Variants in MYO18B observed in about 807,000 individuals in gnomAD.
MYO18B encodes the protein unconventional myosin-XVIIIb.
A neutral mutation model predicts 273.0 loss-of-function variants in MYO18B; 204 were observed. The observed-to-expected ratio is 0.75, with a 90% CI of 0.67 to 0.84. The LOEUF (loss-of-function observed/expected upper bound fraction) is 0.84, where lower values mean the gene tolerates loss of function less well. Ranked by LOEUF, MYO18B falls within the 40% of genes least tolerant of loss-of-function variation. MYO18B has a pLI of 0.00. For missense variants in MYO18B, 3,212 were observed against 3,287.6 expected (o/e 0.98, Z 0.56); for synonymous variants, 1,330 against 1,305.7 (o/e 1.02, Z -0.40).
chr22:26,022,268 T>TAA (rs1935883027), intron 42 of MYO18B, among the ~76,000 whole-genome samples: 1 of 101,618 alleles, frequency 9.8e-6, no homozygotes, highest in Non-Finnish European at 2.1e-5. Context: ...TGAGGACAGC[T>TAA]AGAAAAAAAA....
At position 25,777,628 on chromosome 22, in the gene MYO18B, A is replaced by G. The variant is rs1320917204; in HGVS notation, c.1915A>G (p.Met639Val). The G allele has an allele frequency of 6.2e-7, 1 of 1,609,718 alleles. No homozygotes were observed. Among genetic ancestry groups the G allele is most frequent in the Non-Finnish European group, 8.5e-7 (1 of 1,178,042 alleles). The part of the protein sequence containing the change: ...RDGLPAHIGS[M>V]AQRAYWALLN... ...TGGCCTGCCTGCCCACATTGGCTCC[A>G]TGGCACAGCGGGCATACTGGGCGCT... The change falls in exon 8 of 44, where the codon ATG becomes GTG. Residue 639 changes from methionine (M) to valine (V), a missense_variant. Transcript: ENST00000335473.
intron 25 of MYO18B, among the ~76,000 whole-genome samples, chr22:25,882,748 A>T (rs539770815): frequency 1.3e-5 from 2 of 152,322 alleles, no homozygotes; most frequent in African/African-American, 4.8e-5. Flanking sequence ...ACATTAAAAA[A>T]TTTTTAAATA....
the MYO18B span, among the ~76,000 whole-genome samples, chr22:26,056,238 A>C: frequency 6.6e-6 from 1 of 152,236 alleles, no homozygotes; most frequent in Non-Finnish European, 1.5e-5. Flanking sequence ...TATAAAGCCA[A>C]AATAGGAACC....
chr22:25,833,503 C>T (rs1165193714), intron 16 of MYO18B, among the ~76,000 whole-genome samples: 1 of 152,116 alleles, frequency 6.6e-6, no homozygotes, highest in East Asian at 1.9e-4. Context: ...ACTCTCTCCA[C>T]CCCTAGAACT....
intron 40 of MYO18B, among the ~76,000 whole-genome samples, chr22:25,997,637 A>G (rs1933436741): frequency 6.6e-6 from 1 of 152,220 alleles, no homozygotes; most frequent in African/African-American, 2.4e-5. Context: ...TCAAAGAATT[A>G]ATATTGTATA....
intron 21 of MYO18B, among the ~76,000 whole-genome samples, chr22:25,852,129 A>G (rs2090444650): frequency 6.6e-6 from 1 of 152,174 alleles, no homozygotes; most frequent in Non-Finnish European, 1.5e-5. Flanking sequence ...ATGTTTAGGA[A>G]ATATTTACAT....
In MYO18B at chr22:26,027,491, C is replaced by G. The variant is rs765057962; in HGVS notation, c.7517C>G (p.Ser2506Cys). The G allele has an allele frequency of 4.1e-5, 66 of 1,613,876 alleles. No individual in the cohort carries two copies. Among genetic ancestry groups the G allele is most frequent in the Non-Finnish European group, 5.5e-5 (65 of 1,179,888 alleles). ...PEPKEDPAHL[S>C]DSSSSSGSIV... ...CCCAAGGAGGATCCCGCTCACCTGT[C>G]TGACTCGTCCTCATCCTCCGGCTCC... is the stretch of plus-strand genomic sequence containing the variant. Residue 2506 changes from serine to cysteine, a missense_variant, in exon 43 of 44, where the codon TCT becomes TGT. Ser to Cys is a moderately radical substitution (Grantham distance 112). Coordinates refer to ENST00000335473, the MANE Select transcript of MYO18B (RefSeq NM_032608.7). The surrounding 1 kb of genome is among the most constrained non-coding windows in gnomAD (Gnocchi z 4.1).
chr22:25,805,308 G>A (rs761704), intron 12 of MYO18B, among the ~76,000 whole-genome samples: 150,959 of 152,328 alleles, frequency 0.99, 74,806 homozygotes, highest in East Asian at 1. Flanking sequence ...CTTGGACTGG[G>A]ACTCAGGTCT....
At chr22:25,830,173 A>G (rs1004305450) in intron 15 of MYO18B, among the ~76,000 whole-genome samples, 1 of 152,146 alleles carries the variant, frequency 6.6e-6, no homozygotes, top group African/African-American at 2.4e-5. Flanking sequence ...AATGAATCTC[A>G]AACAGATGAT....
At chr22:25,858,532 G>A (rs1346769023) in intron 21 of MYO18B, among the ~76,000 whole-genome samples, 1 of 152,206 alleles carries the variant, frequency 6.6e-6, no homozygotes, top group East Asian at 1.9e-4. Flanking sequence ...GGCATATACA[G>A]CCAAATGTGA....
At chr22:25,903,599 A>G (rs1222564843) in intron 30 of MYO18B, 32 bp from the exon 31 acceptor site, 1 of 1,568,476 alleles carries the variant, frequency 6.4e-7, no homozygotes. Flanking sequence ...TACTCATGTG[A>G]CTCCAGATCT....
At chr22:25,936,644 C>T (rs756632959) in intron 34 of MYO18B, among the ~76,000 whole-genome samples, 1 of 152,016 alleles carries the variant, frequency 6.6e-6, no homozygotes, top group Non-Finnish European at 1.5e-5. Flanking sequence ...AAAAAAATAC[C>T]GTAAATTAAA....
chr22:26,043,671 C>T, the MYO18B span, among the ~76,000 whole-genome samples: 8 of 151,822 alleles, frequency 5.3e-5, no homozygotes, highest in African/African-American at 9.7e-5. Context: ...CCACCACGTC[C>T]GGCTAATTTT....
At chr22:25,839,502 G>C (rs1308389098) in intron 17 of MYO18B, among the ~76,000 whole-genome samples, 2 of 152,194 alleles carry the variant, frequency 1.3e-5, no homozygotes, top group Non-Finnish European at 2.9e-5. Context: ...ACTGCTAGTT[G>C]TGGAGCCCTT....
At chr22:25,950,312 G>C (rs1027961908) in intron 36 of MYO18B, 55 bp from the exon 37 acceptor site, 3 of 1,471,516 alleles carry the variant, frequency 2.0e-6, no homozygotes, top group Non-Finnish European at 2.8e-6. Context: ...TGGTTTCCCA[G>C]CAAGGCTTGT....
chr22:25,774,969 A>C (rs969610768), intron 7 of MYO18B, among the ~76,000 whole-genome samples: 8 of 152,272 alleles, frequency 5.3e-5, no homozygotes, highest in Non-Finnish European at 2.9e-5. Context: ...GCATGCGTGC[A>C]AGGGCACATG....
chr22:25,800,627 G>A (rs906082337), intron 12 of MYO18B, among the ~76,000 whole-genome samples: 7 of 152,234 alleles, frequency 4.6e-5, no homozygotes, highest in African/African-American at 1.7e-4. Context: ...ACCCCTGGGA[G>A]ACTCTGAGGA....
In MYO18B at chr22:25,888,809, G is replaced by A. The variant is rs549500701; in HGVS notation, c.4315-1947G>A. ...CCCCCAAGCCTTCTTTCTCCTCTGC[G>A]TCTATTGAAATGTGCATTTTGGTCT... On this transcript the variant is annotated intron_variant, in intron 25 of 43. Transcript: ENST00000335473. Among the ~76,000 whole-genome samples, 59 of 152,276 alleles carry A rather than the reference G, an allele frequency of 3.9e-4. No individual in the cohort carries two copies. The Middle Eastern group carries it at 0.01, about 26-fold the overall frequency.
chr22:26,017,979 T>A (rs915127923), intron 42 of MYO18B, among the ~76,000 whole-genome samples: 1 of 132,466 alleles, frequency 7.5e-6, no homozygotes, highest in African/African-American at 2.7e-5. Context: ...TTTTTTTTTT[T>A]TTTTTTTTTT....
Sources: gnomAD v4.1 joint callset for allele counts (sites outside exome capture counted in the v4.1 genomes callset) on GRCh38, gnomAD v4.1.1 for gene constraint, Gnocchi (gnomAD v3.1) non-coding constraint, MANE v1.5 for transcripts, NCBI Gene and HGNC (gene_info 2026-07-23, HGNC 2026-07-21) for gene names.